The following RASSF6 variants were observed in gnomAD, a reference collection of about 807,000 sequenced individuals.
RASSF6 encodes Ras association domain family member 6, also known as ras association domain-containing protein 6.
Under a neutral mutation model 44.0 loss-of-function variants are expected in RASSF6, and 52 were observed. That is an observed-to-expected ratio of 1.18 (90% CI 0.95 to 1.49). The LOEUF is 1.49. Among genes scored for constraint, RASSF6 ranks in the 40% most tolerant of loss-of-function variants. RASSF6 has a pLI of 0.00. For missense variants in RASSF6, 464 were observed against 393.3 expected, an observed-to-expected ratio of 1.18 and a Z score of -1.52; for synonymous variants, 162 against 124.6, an observed-to-expected ratio of 1.30 and a Z score of -2.00.
intron 2 of RASSF6, among the ~76,000 whole-genome samples, chr4:73,609,213 T>C (rs1425868920): frequency 6.6e-6 from 1 of 152,202 alleles, no homozygotes; most frequent in African/African-American, 2.4e-5. Flanking sequence ...TTTTTTTAAA[T>C]ACATGGTTAG....
chr4:73,604,884 C>CTTTTTTTTTTTTTTTTTTTTTTTTTTT (rs35609056), intron 2 of RASSF6, among the ~76,000 whole-genome samples: 1 of 138,332 alleles, frequency 7.2e-6, no homozygotes. Flanking sequence ...CATTTTCTTT[C>CTTTTTTTTTTTTTTTTTTTTTTTTTTT]TTTTTTTTTT....
At chr4:73,611,167 G>GC (rs756257904) in intron 2 of RASSF6, among the ~76,000 whole-genome samples, 9 of 151,970 alleles carry the variant, frequency 5.9e-5, no homozygotes, top group Admixed American at 1.3e-4. Context: ...TCTCCTCTCA[G>GC]CCCCCAGCCT....
chr4:73,587,844 CT>C lies in RASSF6; in HGVS notation c.377del (p.Gln126ArgfsTer12), dbSNP rs1174564043. On this transcript the variant is annotated frameshift_variant, in exon 5 of 11. Transcript: ENST00000307439. LOFTEE classifies it high-confidence loss of function. Reference protein sequence around the residue: ...QIPMSEKRNSQEDYLSYHSNT... With the variant: ...QIPMSEKRNSXEDYLSYHSNT... ...CAATAAGATTTTGATACTGACCTTC[CT>C]GGGAATTCCTTTTTTCAGACATAGG... 3.7e-6 allele frequency: 6 copies of C among 1,602,556 alleles called. No individual in the cohort carries two copies. Among genetic ancestry groups the C allele is most frequent in the Admixed American group, 3.3e-5 (2 of 59,778 alleles).
chr4:73,584,505 T>C (rs1368069213), intron 6 of RASSF6, among the ~76,000 whole-genome samples: 1 of 152,164 alleles, frequency 6.6e-6, no homozygotes, highest in Non-Finnish European at 1.5e-5. Context: ...AAGCAGAATG[T>C]GAATTGTATC....
Position 73,589,877 on chromosome 4 carries a change from A to G in RASSF6, c.288-1943T>C, listed in dbSNP as rs191366208. ...TAAAAAGGAGGTAGAAATTTGATAGACAAATAGAATATGGTCACTTCCCTA... is the reference window on the plus strand; with the variant it reads ...TAAAAAGGAGGTAGAAATTTGATAGGCAAATAGAATATGGTCACTTCCCTA... On this transcript the variant is annotated intron_variant, in intron 4 of 10. Coordinates refer to ENST00000307439, the MANE Select transcript of RASSF6 (RefSeq NM_177532.5). Among the ~76,000 whole-genome samples the G allele has an allele frequency of 1.7e-4, 26 of 152,296 alleles. No homozygotes were observed. The East Asian group carries it at 1.7e-3, about 10-fold the overall frequency.
rs1034059700 is a variant in RASSF6 at position 73,593,689 on chromosome 4, C to T, written c.145-96G>A. 7 of 862,326 alleles carry T rather than the reference C, an allele frequency of 8.1e-6. No individual in the cohort carries two copies. The African/African-American group carries it at 1.3e-4, about 15-fold the overall frequency. The allele number at this position is 862,326 out of a possible 1,614,324, so 53.4% of individuals were successfully genotyped here. ...TGTAGAAATTAAGTGCGTAAGAAAC[C>T]TAAATAGATTAAAAAGAAACGCCAG... On this transcript the variant is annotated intron_variant, in intron 3 of 10. Transcript: ENST00000307439.
At chr4:73,609,066 C>T (rs1362863301) in intron 2 of RASSF6, among the ~76,000 whole-genome samples, 3 of 152,150 alleles carry the variant, frequency 2.0e-5, no homozygotes, top group Non-Finnish European at 2.9e-5. Context: ...TGTACACGTG[C>T]CTTTTGAGCT....
intron 3 of RASSF6, among the ~76,000 whole-genome samples, chr4:73,595,318 C>T (rs375177152): frequency 3.9e-5 from 6 of 152,074 alleles, no homozygotes; most frequent in East Asian, 3.9e-4. Context: ...CTCAGCCTTC[C>T]GAGTAGCTGG....
intron 4 of RASSF6, among the ~76,000 whole-genome samples, chr4:73,592,227 G>A (rs552424955): frequency 2.2e-4 from 34 of 152,268 alleles, no homozygotes; most frequent in Admixed American, 5.2e-4. Context: ...AATCATAGTC[G>A]GGCTTAAATA....
chr4:73,589,080 T>C (rs1724327210), intron 4 of RASSF6, among the ~76,000 whole-genome samples: 4 of 152,162 alleles, frequency 2.6e-5, no homozygotes, highest in Admixed American at 2.6e-4. Context: ...CTCTTTACTT[T>C]TGAATTCTTT....
intron 1 of RASSF6, among the ~76,000 whole-genome samples, chr4:73,612,485 T>TTTTC (rs2149398349): frequency 2.8e-5 from 1 of 35,626 alleles, no homozygotes; most frequent in African/African-American, 6.9e-5. Flanking sequence ...TTTTCTTTTT[T>TTTTC]TTTTTTTTTT....
intron 6 of RASSF6, among the ~76,000 whole-genome samples, chr4:73,583,682 A>G (rs1347784726): frequency 6.6e-6 from 1 of 152,168 alleles, no homozygotes; most frequent in Admixed American, 6.6e-5. Context: ...GCAGTGAATG[A>G]CATTTGTGTA....
chr4:73,619,330 C>G (rs1726556532), intron 1 of RASSF6, among the ~76,000 whole-genome samples: 1 of 152,128 alleles, frequency 6.6e-6, no homozygotes, highest in South Asian at 2.1e-4. Context: ...TGGAAAGAAG[C>G]CAGGTCATTT....
chr4:73,577,012 A>G (rs1723280800), intron 8 of RASSF6, among the ~76,000 whole-genome samples: 1 of 152,190 alleles, frequency 6.6e-6, no homozygotes, highest in South Asian at 2.1e-4. Context: ...ATAAAGCAAT[A>G]TGCCTCAATA....
chr4:73,580,006 A>G (rs1723500356), intron 8 of RASSF6, among the ~76,000 whole-genome samples: 3 of 146,420 alleles, frequency 2.0e-5, no homozygotes, highest in South Asian at 2.3e-4. Context: ...GTATCTCCTA[A>G]TGCTATCCCT....
intron 1 of RASSF6, chr4:73,615,798 G>A (rs1044437386): frequency 2.3e-5 from 23 of 1,009,498 alleles, no homozygotes; most frequent in Middle Eastern, 2.5e-4. Context: ...AGGAGGCAGT[G>A]TTGGGCAGCA....
chr4:73,612,631 A>C (rs1172973416), intron 1 of RASSF6, among the ~76,000 whole-genome samples: 1 of 152,106 alleles, frequency 6.6e-6, no homozygotes. Flanking sequence ...AAAAAAAGAA[A>C]ACAGGAAAGC....
upstream of RASSF6, chr4:73,620,618 C>T: frequency 1.5e-6 from 1 of 684,054 alleles, no homozygotes; most frequent in Admixed American, 3.2e-5. Flanking sequence ...CTGAGCCACT[C>T]CCTGTGCCTC....
chr4:73,584,326 G>A (rs541712455), intron 6 of RASSF6, among the ~76,000 whole-genome samples: 47 of 152,240 alleles, frequency 3.1e-4, no homozygotes, highest in South Asian at 6.2e-4. Context: ...CACAGTGTAA[G>A]TGCTAAGTAT....
Sources: gnomAD v4.1 joint callset for allele counts (sites outside exome capture counted in the v4.1 genomes callset) on GRCh38, gnomAD v4.1.1 for gene constraint, MANE v1.5 for transcripts, NCBI Gene and HGNC (gene_info 2026-07-23, HGNC 2026-07-21) for gene names.